The following DOCK1 variants were observed in gnomAD, a reference collection of about 807,000 sequenced individuals.
The protein encoded by DOCK1 is dedicator of cytokinesis 1.
A neutral mutation model predicts 262.7 loss-of-function variants in DOCK1; 138 were observed. The ratio of observed to expected loss-of-function variants is 0.53; its 90% CI spans 0.46 to 0.61. The LOEUF (loss-of-function observed/expected upper bound fraction) is 0.61. Ranked by LOEUF, DOCK1 falls within the 20% of genes least tolerant of loss-of-function variation. DOCK1 has a pLI of 0.00. For synonymous variants in DOCK1, 866 were observed against 867.4 expected (o/e 1.00, Z 0.03); for missense variants, 1,908 against 2,370.7 (o/e 0.80, Z 4.05).
intron 18 of DOCK1, among the ~76,000 whole-genome samples, chr10:127,033,328 T>C (rs1359388308): frequency 3.9e-5 from 6 of 152,202 alleles, no homozygotes; most frequent in African/African-American, 1.4e-4. Context: ...GCCGTGCCCT[T>C]GTGTGGGGTT....
In DOCK1 at chr10:127,403,503, TAATCCCA is replaced by T. The variant is rs564512959; in HGVS notation, c.4017+360_4017+366del. Among the ~76,000 whole-genome samples, 325 of 152,326 alleles carry T rather than the reference TAATCCCA, an allele frequency of 2.1e-3. 1 individual carries two copies. Among genetic ancestry groups the T allele is most frequent in the African/African-American group, 7.4e-3 (308 of 41,578 alleles). ...GGCCAGGCGCACTGGCTCACGCCTG[TAATCCCA>T]GCACTTTGGGAGGCTAAGGCAGGCG... On this transcript the variant is annotated intron_variant, in intron 39 of 51. Transcript: ENST00000623213.
chr10:127,136,523 GA>G (rs2050714160), intron 27 of DOCK1: 1 of 149,670 alleles, frequency 6.7e-6, no homozygotes, highest in Non-Finnish European at 1.5e-5. Context: ...TTCCTATTGT[GA>G]AAATCAAAAA....
At chr10:126,926,630 G>C (rs1188089752) in intron 1 of DOCK1, among the ~76,000 whole-genome samples, 1 of 152,198 alleles carries the variant, frequency 6.6e-6, no homozygotes. Context: ...AATTCGTTAA[G>C]ATGTGGTCAT....
intron 25 of DOCK1, among the ~76,000 whole-genome samples, chr10:127,122,208 A>G (rs1206608492): frequency 6.6e-6 from 1 of 152,080 alleles, no homozygotes; most frequent in Non-Finnish European, 1.5e-5. Flanking sequence ...GCTCTGGGGA[A>G]TTGCCTTTCT....
intron 1 of DOCK1, among the ~76,000 whole-genome samples, chr10:126,962,205 G>A (rs1212520974): frequency 4.0e-5 from 6 of 151,488 alleles, no homozygotes; most frequent in Non-Finnish European, 8.8e-5. Context: ...TGTTGCCCAG[G>A]CTGGAGTGTA....
chr10:127,010,813 T>C (rs2041373903), intron 11 of DOCK1, among the ~76,000 whole-genome samples: 1 of 152,246 alleles, frequency 6.6e-6, no homozygotes. Flanking sequence ...TGAGAAATAA[T>C]GCAGCCCCCT....
At chr10:126,984,667 C>T (rs974083171) in intron 4 of DOCK1, among the ~76,000 whole-genome samples, 1 of 151,744 alleles carries the variant, frequency 6.6e-6, no homozygotes, top group Non-Finnish European at 1.5e-5. Flanking sequence ...CCGCACCCGG[C>T]CAAAAAATTA....
intron 29 of DOCK1, among the ~76,000 whole-genome samples, chr10:127,304,014 T>G (rs1010298318): frequency 2.0e-5 from 3 of 152,198 alleles, no homozygotes; most frequent in African/African-American, 7.2e-5. Flanking sequence ...GAAGCTACCT[T>G]GGGGATTGTT....
At chr10:127,117,614 G>A (rs1359027019) in intron 25 of DOCK1, among the ~76,000 whole-genome samples, 1 of 152,124 alleles carries the variant, frequency 6.6e-6, no homozygotes, top group African/African-American at 2.4e-5. Flanking sequence ...GGTGCCAACA[G>A]TTTATGGTAT....
intron 29 of DOCK1, among the ~76,000 whole-genome samples, chr10:127,329,539 G>T (rs1263783049): frequency 6.6e-6 from 1 of 152,024 alleles, no homozygotes; most frequent in Non-Finnish European, 1.5e-5. Flanking sequence ...CAGACACTGG[G>T]GTGCTGGGGC....
At chr10:127,042,280 G>A (rs1257459418) in intron 19 of DOCK1, among the ~76,000 whole-genome samples, 2 of 152,160 alleles carry the variant, frequency 1.3e-5, no homozygotes, top group East Asian at 3.9e-4. Context: ...TACCCAGTGT[G>A]TAGAATGAGT....
intron 27 of DOCK1, among the ~76,000 whole-genome samples, chr10:127,195,291 C>T (rs2057031416): frequency 6.6e-6 from 1 of 152,192 alleles, no homozygotes; most frequent in African/African-American, 2.4e-5. Context: ...CCTCGCCCGC[C>T]AGCTCGCAGT....
intron 32 of DOCK1, among the ~76,000 whole-genome samples, chr10:127,355,198 G>A (rs960241381): frequency 1.3e-5 from 2 of 148,174 alleles, no homozygotes; most frequent in African/African-American, 5.0e-5. Context: ...TGAAGGGTCT[G>A]TGTGTGTATA....
At chr10:127,000,150 T>A in intron 9 of DOCK1, 22 bp from the exon 10 acceptor site, 1 of 1,611,880 alleles carries the variant, frequency 6.2e-7, no homozygotes, top group East Asian at 2.2e-5. Context: ...CCAAAATAAT[T>A]TATGGAAACT....
rs1174161958 is a variant in DOCK1, at chr10:127,446,998, T to TG, written c.5414-394dup. On this transcript the variant is annotated intron_variant, in intron 50 of 51. Coordinates refer to ENST00000623213, the MANE Select transcript of DOCK1 (RefSeq NM_001290223.2). This position sits in a 1 kb window ranked among gnomAD's most constrained non-coding sequence, Gnocchi z 4.4. Reference sequence around the variant, plus strand: ...AACTGCAGGGGTGACTGCAGGGGCCTGGCTTGGCTTCGAAAGCAGTAGCAG... The same window carrying TG: ...AACTGCAGGGGTGACTGCAGGGGCCTGGGCTTGGCTTCGAAAGCAGTAGCAG... 6.6e-6 allele frequency among the ~76,000 whole-genome samples: 1 copy of TG among 152,144 alleles called. No individual in the cohort carries two copies. The highest frequency in any genetic ancestry group is 1.9e-4 in the East Asian group (1 of 5,170).
At chr10:126,994,847 C>T (rs945269856) in intron 6 of DOCK1, among the ~76,000 whole-genome samples, 8 of 152,212 alleles carry the variant, frequency 5.3e-5, no homozygotes, top group African/African-American at 1.9e-4. Context: ...ACCTCCCAGA[C>T]GGGGTGGCCA....
intron 33 of DOCK1, among the ~76,000 whole-genome samples, chr10:127,373,113 A>T: frequency 6.6e-6 from 1 of 152,148 alleles, no homozygotes; most frequent in East Asian, 1.9e-4. Flanking sequence ...AGTTTTTCTA[A>T]AAGCATGGAT....
chr10:126,977,886 T>G, intron 2 of DOCK1, 62 bp from the exon 3 acceptor site: 2 of 1,506,612 alleles, frequency 1.3e-6, no homozygotes, highest in Non-Finnish European at 1.8e-6. Context: ...ACATCATGAA[T>G]GTATTGTGAG....
intron 27 of DOCK1, among the ~76,000 whole-genome samples, chr10:127,226,212 C>A (rs1469885607): frequency 6.6e-6 from 1 of 151,890 alleles, no homozygotes; most frequent in Admixed American, 6.6e-5. Flanking sequence ...ACTGAATTTG[C>A]AAGTTGAATG....
Sources: allele counts gnomAD v4.1 joint callset (sites outside exome capture counted in the v4.1 genomes callset), GRCh38; gene constraint gnomAD v4.1.1; non-coding constraint Gnocchi (gnomAD v3.1); transcripts MANE v1.5; gene names NCBI Gene and HGNC (gene_info 2026-07-23, HGNC 2026-07-21).